The following TXNDC16 variants were observed in gnomAD, a reference collection of about 807,000 sequenced individuals.
The protein encoded by TXNDC16 is thioredoxin domain-containing protein 16.
TXNDC16 carries 74 observed loss-of-function variants against 85.6 expected under a neutral mutation model. The observed-to-expected ratio is 0.86, with a 90% CI of 0.72 to 1.05. The LOEUF is 1.05. TXNDC16 is among the 50% of genes least tolerant of loss of function. TXNDC16 has a pLI of 0.00. For missense variants in TXNDC16, 959 were observed against 947.0 expected (o/e 1.01, Z -0.17); for synonymous variants, 335 against 326.5 (o/e 1.03, Z -0.28).
At chr14:52,545,564 G>A (rs1316655240) in intron 1 of TXNDC16, among the ~76,000 whole-genome samples, 2 of 152,206 alleles carry the variant, frequency 1.3e-5, no homozygotes, top group Non-Finnish European at 2.9e-5. Flanking sequence ...AACAACTGTT[G>A]AGAGAAAGGG....
At chr14:52,534,450 T>A (rs1188937439) in intron 6 of TXNDC16, among the ~76,000 whole-genome samples, 1 of 152,206 alleles carries the variant, frequency 6.6e-6, no homozygotes, top group African/African-American at 2.4e-5. Context: ...GTGTACTTTA[T>A]GTGTGGACCA....
chr14:52,538,873 C>T (rs2037764885), intron 4 of TXNDC16, among the ~76,000 whole-genome samples: 1 of 152,116 alleles, frequency 6.6e-6, no homozygotes, highest in Non-Finnish European at 1.5e-5. Context: ...AAAACAGGAA[C>T]TGACACTAAG....
intron 6 of TXNDC16, among the ~76,000 whole-genome samples, chr14:52,533,627 G>A (rs2037633533): frequency 6.6e-6 from 1 of 152,194 alleles, no homozygotes; most frequent in African/African-American, 2.4e-5. Context: ...TACTAGGAAA[G>A]TGCAAACAAG....
chr14:52,529,709 A>AATGCCTATTATATATATTATAT (rs2037441761), intron 6 of TXNDC16, among the ~76,000 whole-genome samples: 1 of 116,904 alleles, frequency 8.6e-6, no homozygotes, highest in Non-Finnish European at 1.6e-5. Flanking sequence ...TAATATATAT[A>AATGCCTATTATATATATTATAT]ATGCCTATTA....
At chr14:52,443,992 GAA>G (rs1316272942) in intron 18 of TXNDC16, among the ~76,000 whole-genome samples, 2 of 149,954 alleles carry the variant, frequency 1.3e-5, no homozygotes, top group Admixed American at 1.3e-4. Flanking sequence ...AGCAAAAGAA[GAA>G]AAAAAAAGAG....
chr14:52,481,672 T>C (rs1161470575), intron 14 of TXNDC16, among the ~76,000 whole-genome samples: 1 of 152,172 alleles, frequency 6.6e-6, no homozygotes, highest in Admixed American at 6.5e-5. Context: ...CCTATGTCTT[T>C]GCTGAGATGG....
At chr14:52,503,799 G>C (rs9972201) in intron 9 of TXNDC16, among the ~76,000 whole-genome samples, 77,794 of 151,988 alleles carry the variant, frequency 0.51, 20,881 homozygotes, top group East Asian at 0.71. Context: ...GAAGTTCGAA[G>C]CCATGGCAAA....
At position 52,453,053 on chromosome 14, in the gene TXNDC16, T is replaced by C. The variant is rs573910170; in HGVS notation, c.1842+2271A>G. Among the ~76,000 whole-genome samples the C allele has an allele frequency of 7.2e-5, 11 of 152,242 alleles. No individual in the cohort carries two copies. The South Asian group carries it at 8.3e-4, about 11-fold the overall frequency. On this transcript the variant is annotated intron_variant, in intron 18 of 20. Transcript: ENST00000281741. The stretch of plus-strand genomic sequence containing the variant: ...AATAGACATTTCTCAAAAAAATACA[T>C]ACAAACAGCAAACAGGTACATGAAA...
chr14:52,499,251 A>T (rs1343808418), intron 9 of TXNDC16, among the ~76,000 whole-genome samples: 1 of 152,178 alleles, frequency 6.6e-6, no homozygotes, highest in African/African-American at 2.4e-5. Context: ...GTTTCATGAC[A>T]TTGAAATGGG....
chr14:52,472,563 G>C (rs2035933013), intron 14 of TXNDC16, among the ~76,000 whole-genome samples: 1 of 152,120 alleles, frequency 6.6e-6, no homozygotes, highest in Non-Finnish European at 1.5e-5. Flanking sequence ...TATGTACCCA[G>C]TAAAAATGTG....
chr14:52,443,732 T>C (rs58220845), intron 18 of TXNDC16, among the ~76,000 whole-genome samples: 1,608 of 152,342 alleles, frequency 0.011, 19 homozygotes, highest in African/African-American at 0.036. Context: ...AGAAGATTTC[T>C]GTATCAGATT....
At chr14:52,436,483 G>C (rs1458426278) in intron 20 of TXNDC16, among the ~76,000 whole-genome samples, 1 of 152,004 alleles carries the variant, frequency 6.6e-6, no homozygotes, top group Non-Finnish European at 1.5e-5. Context: ...AAAATGTTCT[G>C]GAATTCAACA....
chr14:52,497,165 A>C (rs1475674844), intron 9 of TXNDC16, among the ~76,000 whole-genome samples: 2 of 152,156 alleles, frequency 1.3e-5, no homozygotes, highest in Non-Finnish European at 2.9e-5. Flanking sequence ...AACTTTCAAA[A>C]ATGATATAAT....
intron 9 of TXNDC16, among the ~76,000 whole-genome samples, chr14:52,495,358 G>C (rs1017891558): frequency 3.3e-5 from 5 of 152,086 alleles, no homozygotes; most frequent in African/African-American, 1.2e-4. Flanking sequence ...ACAAGGTGGG[G>C]GTTTTCAAGA....
intron 8 of TXNDC16, among the ~76,000 whole-genome samples, chr14:52,511,871 G>T (rs994162803): frequency 6.6e-6 from 1 of 152,094 alleles, no homozygotes; most frequent in Non-Finnish European, 1.5e-5. Context: ...GACAGTTTGT[G>T]GGAGTTTGTG....
At chr14:52,433,131 T>C (rs2034945527) in intron 20 of TXNDC16, among the ~76,000 whole-genome samples, 1 of 152,156 alleles carries the variant, frequency 6.6e-6, no homozygotes, top group African/African-American at 2.4e-5. Flanking sequence ...CCACACACTT[T>C]ATGAAAACAA....
chr14:52,536,444 C>A (rs1261815551), intron 6 of TXNDC16, among the ~76,000 whole-genome samples: 1 of 152,174 alleles, frequency 6.6e-6, no homozygotes, highest in Non-Finnish European at 1.5e-5. Flanking sequence ...AGATACCTGG[C>A]AAAATCCTCA....
chr14:52,455,603 C>T (rs897698555), intron 17 of TXNDC16, 141 bp from the exon 18 acceptor site: 1 of 838,238 alleles, frequency 1.2e-6, no homozygotes, highest in Non-Finnish European at 1.8e-6. Flanking sequence ...CATTTCCAGG[C>T]AAACTTATCT....
chr14:52,480,272 T>A (rs755621063), intron 14 of TXNDC16, among the ~76,000 whole-genome samples: 1 of 152,142 alleles, frequency 6.6e-6, no homozygotes, highest in Non-Finnish European at 1.5e-5. Flanking sequence ...AAGAATTTCA[T>A]GACCAAGGAC....
Sources: gnomAD v4.1 joint callset for allele counts (sites outside exome capture counted in the v4.1 genomes callset) on GRCh38, gnomAD v4.1.1 for gene constraint, MANE v1.5 for transcripts, NCBI Gene and HGNC (gene_info 2026-07-23, HGNC 2026-07-21) for gene names.